The following TMEM165 variants were observed in gnomAD, a reference collection of about 807,000 sequenced individuals.
TMEM165 encodes the protein transmembrane protein 165, also known as putative divalent cation/proton antiporter TMEM165.
TMEM165 carries 19 observed loss-of-function variants against 30.0 expected under a neutral mutation model. The observed-to-expected ratio is 0.63, with a 90% confidence interval of 0.44 to 0.93. The LOEUF (loss-of-function observed/expected upper bound fraction) is 0.93. Ranked by LOEUF, TMEM165 falls within the 40% of genes least tolerant of loss-of-function variation. The pLI, the probability that TMEM165 is intolerant of heterozygous loss-of-function variation, is 0.00. For synonymous variants in TMEM165, 168 were observed against 162.9 expected, an observed-to-expected ratio of 1.03 and a Z score of -0.24; for missense variants, 340 against 417.0, an observed-to-expected ratio of 0.82 and a Z score of 1.61.
chr4:55,431,640 G>A (rs1046064127), intron 3 of TMEM165: 5 of 152,120 alleles, frequency 3.3e-5, no homozygotes, highest in Non-Finnish European at 5.9e-5. Context: ...CAGGTAATTG[G>A]AAAGGTTATA....
At chr4:55,424,269 G>T (rs1202643901) in intron 4 of TMEM165, 1 of 447,190 alleles carries the variant, frequency 2.2e-6, no homozygotes, top group Non-Finnish European at 4.0e-6. Context: ...CTGCTGAAAG[G>T]TTCGATTAGC....
rs762007730 is a variant in TMEM165 at position 55,425,492 on chromosome 4, G to A, written c.*40G>A. ...ATCTATATTTAGTTTAAAATAGGTA[G>A]TATTATCTTTCTGTACATAGTGTAC... On this transcript the variant is annotated 3_prime_UTR_variant, in exon 6 of 6. Coordinates refer to ENST00000381334, the MANE Select transcript of TMEM165 (RefSeq NM_018475.5). 4 of 1,465,170 alleles carry A rather than the reference G, an allele frequency of 2.7e-6. No homozygotes were observed. The highest frequency in any genetic ancestry group is 1.7e-5 in the Admixed American group (1 of 58,940). 90.8% of individuals were successfully genotyped at this position (1,465,170 alleles called of 1,614,324 possible).
chr4:55,435,395 C>A lies in TMEM165; in HGVS notation c.408+10752C>A, dbSNP rs376625049. 44 of 1,613,582 alleles carry A rather than the reference C, an allele frequency of 2.7e-5. 1 individual carries two copies. The highest frequency in any genetic ancestry group is 2.5e-5 in the Non-Finnish European group (30 of 1,179,784). On this transcript the variant is annotated intron_variant, in intron 3 of 3. Coordinates refer to the TMEM165 transcript ENST00000608091. ...GGCCATCCCCTTCCTCCCTTGATGT[C>A]AAGAGAGGAAGCACGTGTGCTACTG...
chr4:55,412,173 T>C (rs955664214), intron 2 of TMEM165: 5 of 334,344 alleles, frequency 1.5e-5, no homozygotes, highest in Non-Finnish European at 2.8e-5. Flanking sequence ...AGTGGACAGA[T>C]CACGAGGTCA....
intron 1 of TMEM165, among the ~76,000 whole-genome samples, chr4:55,405,977 C>G (rs978961601): frequency 6.6e-6 from 1 of 152,166 alleles, no homozygotes; most frequent in African/African-American, 2.4e-5. Flanking sequence ...ATTGTCAGTA[C>G]AGAAAAGAGG....
chr4:55,420,286 T>C (rs1285543210), intron 4 of TMEM165, among the ~76,000 whole-genome samples: 1 of 150,814 alleles, frequency 6.6e-6, no homozygotes, highest in Non-Finnish European at 1.5e-5. Flanking sequence ...GGGTGAGTTA[T>C]CATGACAGCA....
chr4:55,434,368 T>C (rs1021668957), intron 3 of TMEM165: 1 of 152,620 alleles, frequency 6.6e-6, no homozygotes, highest in Non-Finnish European at 1.5e-5. Flanking sequence ...TGTGTGCAAA[T>C]TTTACCTCTA....
At position 55,406,836 on chromosome 4, in the gene TMEM165, A is replaced by G. The variant is rs1721290497; in HGVS notation, c.208-4778A>G. ...TGCCACCACACCCAGCTACTTTTGT[A>G]TTTTTTGTAGAGACAGGGTCTCACT... On this transcript the variant is annotated intron_variant, in intron 1 of 5. Transcript: ENST00000381334. Among the ~76,000 whole-genome samples, 3 of 151,134 alleles carry G rather than the reference A, an allele frequency of 2.0e-5. No individual in the cohort carries two copies. In the South Asian group the frequency reaches 6.3e-4, roughly 32 times the overall value.
chr4:55,418,670 T>A (rs1721840243), intron 4 of TMEM165, among the ~76,000 whole-genome samples: 1 of 152,126 alleles, frequency 6.6e-6, no homozygotes, highest in Non-Finnish European at 1.5e-5. Flanking sequence ...TGTTTACAAA[T>A]CTCTGTGTAG....
intron 2 of TMEM165, among the ~76,000 whole-genome samples, chr4:55,413,417 C>A (rs905574912): frequency 6.6e-6 from 1 of 152,168 alleles, no homozygotes; most frequent in African/African-American, 2.4e-5. Flanking sequence ...CAGGCTCAGG[C>A]GATTTTCCTG....
chr4:55,420,826 C>CA lies in TMEM165; in HGVS notation c.792+2847dup, dbSNP rs577304655. The stretch of plus-strand genomic sequence containing the variant: ...TTTGAGACTTGAATTGGTTCTAGGC[C>CA]AAAAAAGGGTGAGGGGGAAGGAAGA... On this transcript the variant is annotated intron_variant, in intron 4 of 5. Coordinates refer to ENST00000381334, the MANE Select transcript of TMEM165 (RefSeq NM_018475.5). Among the ~76,000 whole-genome samples, 540 of 151,874 alleles carry CA rather than the reference C, an allele frequency of 3.6e-3. 13 individuals are homozygous for CA. The highest frequency in any genetic ancestry group is 9.7e-4 in the Non-Finnish European group (66 of 67,910).
At chr4:55,427,053 T>TTGA (rs10654590), downstream of TMEM165, among the ~76,000 whole-genome samples, 59,283 of 143,690 alleles carry the variant, frequency 0.41, 13,671 homozygotes, top group East Asian at 0.85. Context: ...TTTTTTTTTT[T>TTGA]GAGAGAGTCT....
intron 1 of TMEM165, 102 bp downstream of exon 1, chr4:55,396,498 G>GCTCCCCTCCCCCA: frequency 9.4e-7 from 1 of 1,061,958 alleles, no homozygotes; most frequent in Non-Finnish European, 1.2e-6. Context: ...CCTCGGCTGG[G>GCTCCCCTCCCCCA]GGAGGGGAGC....
downstream of TMEM165, chr4:55,426,176 C>CTTGT (rs1479077326): frequency 6.6e-6 from 1 of 152,104 alleles, no homozygotes; most frequent in Non-Finnish European, 1.5e-5. Context: ...ATGACCAGTG[C>CTTGT]TTGTTTTTCC....
At chr4:55,449,813 TA>T (rs11347931) in intron 3 of TMEM165, among the ~76,000 whole-genome samples, 51,290 of 151,894 alleles carry the variant, frequency 0.34, 9,362 homozygotes, top group East Asian at 0.58. Context: ...GGCCCTACAG[TA>T]AAAAAACACA....
At chr4:55,448,793 G>C (rs1383100019) in intron 3 of TMEM165, 2 of 1,613,690 alleles carry the variant, frequency 1.2e-6, no homozygotes, top group Admixed American at 1.7e-5. Flanking sequence ...GACATGCCTT[G>C]TGGAATTGGT....
intron 3 of TMEM165, among the ~76,000 whole-genome samples, chr4:55,445,579 A>ATTTTTTTTTTTTTTTTTTTTT: frequency 1.5e-5 from 1 of 65,528 alleles, no homozygotes; most frequent in East Asian, 7.3e-4. Flanking sequence ...CTATTTCTAT[A>ATTTTTTTTTTTTTTTTTTTTT]TTCTTTTTTT....
chr4:55,421,883 G>A (rs768421841), intron 4 of TMEM165, among the ~76,000 whole-genome samples: 9 of 149,644 alleles, frequency 6.0e-5, no homozygotes, highest in South Asian at 4.3e-4. Flanking sequence ...AGCATTGTTC[G>A]TGTGTACCAA....
chr4:55,420,505 G>GT (rs1294444291), intron 4 of TMEM165, among the ~76,000 whole-genome samples: 1 of 151,936 alleles, frequency 6.6e-6, no homozygotes, highest in Non-Finnish European at 1.5e-5. Context: ...TACCTGCTTT[G>GT]TGGATCGGTT....
Sources: gnomAD v4.1 joint callset for allele counts (sites outside exome capture counted in the v4.1 genomes callset) on GRCh38, gnomAD v4.1.1 for gene constraint, MANE v1.5 for transcripts, NCBI Gene and HGNC (gene_info 2026-07-23, HGNC 2026-07-21) for gene names.